Variants in NRXN3 observed in about 807,000 individuals in gnomAD.
The protein encoded by NRXN3 is neurexin 3, also known as neurexin III.
Under a neutral mutation model 137.6 loss-of-function variants are expected in NRXN3, and 32 were observed. The observed-to-expected ratio is 0.23, with a 90% CI of 0.18 to 0.31. The LOEUF (loss-of-function observed/expected upper bound fraction) is 0.31, where lower values mean the gene tolerates loss of function less well. Ranked by LOEUF, NRXN3 falls within the 10% of genes least tolerant of loss-of-function variation. NRXN3 has a pLI of 1.00. For missense variants in NRXN3, 1,574 were observed against 2,062.5 expected (o/e 0.76, Z 4.59); for synonymous variants, 798 against 784.5 (o/e 1.02, Z -0.29).
chr14:79,608,896 T>C (rs1024043781), intron 16 of NRXN3, among the ~76,000 whole-genome samples: 2 of 152,158 alleles, frequency 1.3e-5, no homozygotes, highest in Non-Finnish European at 1.5e-5. Context: ...GGCCTTAAAC[T>C]TCAAGACCCA....
chr14:79,671,330 C>T (rs2098606716), intron 17 of NRXN3, among the ~76,000 whole-genome samples: 2 of 152,060 alleles, frequency 1.3e-5, no homozygotes, highest in Admixed American at 6.6e-5. Context: ...CCTAGAAATT[C>T]TGGGTTTAAC....
intron 15 of NRXN3, among the ~76,000 whole-genome samples, chr14:79,464,153 A>T (rs1413698167): frequency 6.6e-6 from 1 of 152,172 alleles, no homozygotes; most frequent in Non-Finnish European, 1.5e-5. Flanking sequence ...GTATTGGACT[A>T]TGGGAGCATT....
chr14:79,367,373 A>T (rs138353287), intron 15 of NRXN3, among the ~76,000 whole-genome samples: 62 of 152,326 alleles, frequency 4.1e-4, no homozygotes, highest in African/African-American at 1.4e-3. Flanking sequence ...GCTGAAGCTT[A>T]TGTAGCACAT....
intron 4 of NRXN3, among the ~76,000 whole-genome samples, chr14:78,520,199 C>G (rs565001767): frequency 6.6e-6 from 1 of 152,180 alleles, no homozygotes. Context: ...TTGGATACTA[C>G]CTGTCCAATG....
chr14:78,433,633 T>C (rs1265706464), intron 4 of NRXN3, among the ~76,000 whole-genome samples: 1 of 152,176 alleles, frequency 6.6e-6, no homozygotes, highest in Non-Finnish European at 1.5e-5. Flanking sequence ...AGGATGAGTT[T>C]AGCTCCCTTC....
At chr14:78,213,646 C>T (rs373488547) in intron 1 of NRXN3, among the ~76,000 whole-genome samples, 30 of 151,952 alleles carry the variant, frequency 2.0e-4, no homozygotes, top group Admixed American at 1.6e-3. Context: ...GGGGAGTGGC[C>T]GCAATGTGAA....
Position 78,968,338 on chromosome 14 carries a change from G to A in NRXN3, c.3134G>A (p.Gly1045Asp), listed in dbSNP as rs1416070355. 1.9e-6 allele frequency: 3 copies of A among 1,613,004 alleles called. No individual in the cohort carries two copies. The highest frequency in any genetic ancestry group is 3.3e-5 in the Admixed American group (2 of 59,966). The change falls in exon 14 of 21, where the codon GGC (glycine) becomes GAC (aspartate). Residue 1045 changes from glycine (G) to aspartate (D), a missense_variant. Gly to Asp is a moderately conservative substitution (Grantham distance 94). This residue lies in a region of NRXN3 where 718 missense variants were observed against 887.6 expected (regional missense o/e 0.81). Transcript: ENST00000335750. ...ALHRSGQIER[G>D]CEGPSTTCQE... The stretch of plus-strand genomic sequence containing the variant: ...CATCGGAGCGGACAGATCGAGCGTG[G>A]CTGTGAAGGTACAACCTATTTTTTT...
chr14:79,731,530 A>G (rs903980533), intron 19 of NRXN3, among the ~76,000 whole-genome samples: 3 of 152,220 alleles, frequency 2.0e-5, no homozygotes, highest in African/African-American at 4.8e-5. Context: ...ATGGAAAGCT[A>G]CCATTTAAGC....
chr14:78,501,728 A>G (rs888806754), intron 4 of NRXN3, among the ~76,000 whole-genome samples: 15 of 152,032 alleles, frequency 9.9e-5, no homozygotes, highest in African/African-American at 3.4e-4. Context: ...CCCGTGAGCT[A>G]CCTCTTGTAC....
intron 16 of NRXN3, among the ~76,000 whole-genome samples, chr14:79,565,269 G>GTGTGTATATATACATATACACA (rs1320699745): frequency 8.3e-5 from 11 of 131,820 alleles, no homozygotes; most frequent in Admixed American, 2.3e-4. Flanking sequence ...ATACACATGT[G>GTGTGTATATATACATATACACA]TGTGTGTATA....
intron 16 of NRXN3, among the ~76,000 whole-genome samples, chr14:79,653,662 TTGAG>T (rs1165373046): frequency 5.9e-5 from 9 of 152,192 alleles, no homozygotes; most frequent in Non-Finnish European, 1.3e-4. Context: ...TTATGCCTAA[TTGAG>T]TGAGCTTTTG....
chr14:78,198,875 A>T (rs1158077631), intron 1 of NRXN3, among the ~76,000 whole-genome samples: 1 of 152,188 alleles, frequency 6.6e-6, no homozygotes, highest in Non-Finnish European at 1.5e-5. Flanking sequence ...CTTGAGAAAA[A>T]TTCCTGAAAG....
chr14:78,777,398 T>C (rs555646338), intron 8 of NRXN3, among the ~76,000 whole-genome samples: 26 of 152,318 alleles, frequency 1.7e-4, no homozygotes, highest in African/African-American at 5.8e-4. Context: ...GCTGAGTGAC[T>C]TGTCAGTCTA....
chr14:79,808,240 TAAAAA>T (rs35474581), intron 20 of NRXN3, among the ~76,000 whole-genome samples: 8 of 124,210 alleles, frequency 6.4e-5, no homozygotes, highest in African/African-American at 9.4e-5. Flanking sequence ...CTCTCTCAAT[TAAAAA>T]AAAAAAAAAA....
chr14:79,589,934 A>G (rs998894859), intron 16 of NRXN3, among the ~76,000 whole-genome samples: 1 of 152,228 alleles, frequency 6.6e-6, no homozygotes, highest in Non-Finnish European at 1.5e-5. Flanking sequence ...CACAAAACAG[A>G]AAATGTAGCA....
chr14:79,754,543 T>G (rs1240923687), intron 19 of NRXN3, among the ~76,000 whole-genome samples: 1 of 80,026 alleles, frequency 1.2e-5, no homozygotes, highest in Non-Finnish European at 2.3e-5. Flanking sequence ...TATATATATA[T>G]ATATATATAT....
intron 15 of NRXN3, among the ~76,000 whole-genome samples, chr14:79,240,161 T>C (rs766592111): frequency 4.6e-5 from 7 of 152,160 alleles, no homozygotes; most frequent in Non-Finnish European, 8.8e-5. Context: ...TACAAATATA[T>C]ATATATGCAA....
At chr14:79,615,280 G>A (rs566189462) in intron 16 of NRXN3, among the ~76,000 whole-genome samples, 27 of 152,264 alleles carry the variant, frequency 1.8e-4, no homozygotes, top group African/African-American at 6.0e-4. Flanking sequence ...GCATCTTCAA[G>A]GTACCTAAGT....
rs1043112486 is a variant in NRXN3 at position 78,793,133 on chromosome 14, C to A, written c.2045-10487C>A. 2.6e-5 allele frequency among the ~76,000 whole-genome samples: 4 copies of A among 151,960 alleles called. 1 individual carries two copies. Among genetic ancestry groups the A allele is most frequent in the African/African-American group, 9.7e-5 (4 of 41,344 alleles). ...CTCATGTACTCCATAAATATATACACCTATATTATTTACATAATCATTAAT... is the reference window on the plus strand; with the variant it reads ...CTCATGTACTCCATAAATATATACAACTATATTATTTACATAATCATTAAT... On this transcript the variant is annotated intron_variant, in intron 8 of 20. Transcript: ENST00000335750.
Sources: gnomAD v4.1 joint callset for allele counts (sites outside exome capture counted in the v4.1 genomes callset) on GRCh38, gnomAD v4.1.1 for gene constraint, gnomAD v4.1.1 regional missense constraint, MANE v1.5 for transcripts, NCBI Gene and HGNC (gene_info 2026-07-23, HGNC 2026-07-21) for gene names.